TACR3: variants seen among roughly 807,000 people sequenced by gnomAD.
The protein encoded by TACR3 is neuromedin-K receptor.
TACR3 carries 34 observed loss-of-function variants against 35.0 expected under a neutral mutation model. The observed-to-expected ratio is 0.97, with a 90% CI of 0.74 to 1.30. The LOEUF is 1.30. Among genes scored for constraint, TACR3 ranks in the 50% most tolerant of loss-of-function variants. TACR3 has a pLI of 0.00. For synonymous variants in TACR3, 233 were observed against 221.1 expected (o/e 1.05, Z -0.48); for missense variants, 558 against 591.7 (o/e 0.94, Z 0.59).
At chr4:103,604,292 G>A (rs1166136429) in intron 3 of TACR3, among the ~76,000 whole-genome samples, 1 of 152,154 alleles carries the variant, frequency 6.6e-6, no homozygotes, top group Non-Finnish European at 1.5e-5. Flanking sequence ...AATGGGGAAA[G>A]GATTCCCTAT....
intron 1 of TACR3, among the ~76,000 whole-genome samples, chr4:103,695,718 T>A (rs1292329171): frequency 6.7e-6 from 1 of 149,830 alleles, no homozygotes; most frequent in Non-Finnish European, 1.5e-5. Context: ...TCTCTGTGTG[T>A]GTGTGTGTGT....
At chr4:103,701,604 C>T (rs1260301246) in intron 1 of TACR3, among the ~76,000 whole-genome samples, 4 of 152,110 alleles carry the variant, frequency 2.6e-5, no homozygotes, top group African/African-American at 7.2e-5. Flanking sequence ...CAATCCTAAG[C>T]CAAAAGAACA....
chr4:103,600,145 T>G (rs1482895221), intron 3 of TACR3, among the ~76,000 whole-genome samples: 5 of 152,154 alleles, frequency 3.3e-5, no homozygotes, highest in Non-Finnish European at 7.4e-5. Flanking sequence ...CTGTTATTGG[T>G]CTATTCAGAG....
chr4:103,682,291 C>T lies in TACR3; in HGVS notation c.549-23888G>A, dbSNP rs1039527530. Among the ~76,000 whole-genome samples, 6 of 152,054 alleles carry T rather than the reference C, an allele frequency of 3.9e-5. No homozygotes were observed. The East Asian group carries it at 7.7e-4, about 20-fold the overall frequency. On this transcript the variant is annotated intron_variant, in intron 1 of 4. Coordinates refer to ENST00000304883, the MANE Select transcript of TACR3 (RefSeq NM_001059.3). The stretch of plus-strand genomic sequence containing the variant: ...GGTGTATTAGTCTGTTCTCACACTG[C>T]TATAAAGATACTACCCAAGAGTGGA...
intron 1 of TACR3, among the ~76,000 whole-genome samples, chr4:103,672,118 G>C (rs1198249030): frequency 6.6e-6 from 1 of 152,088 alleles, no homozygotes; most frequent in Admixed American, 6.5e-5. Flanking sequence ...ATTAAAGTTT[G>C]ATTATGAGAT....
At chr4:103,639,514 C>A (rs1469780566) in intron 3 of TACR3, among the ~76,000 whole-genome samples, 1 of 151,944 alleles carries the variant, frequency 6.6e-6, no homozygotes. Flanking sequence ...ATGGGTGCAG[C>A]ACACCAACAT....
At chr4:103,715,942 T>A (rs772471693) in intron 1 of TACR3, among the ~76,000 whole-genome samples, 1 of 152,148 alleles carries the variant, frequency 6.6e-6, no homozygotes, top group Non-Finnish European at 1.5e-5. Context: ...TTTAAACTAG[T>A]ACTAAATTCT....
At chr4:103,713,119 T>C (rs1723007034) in intron 1 of TACR3, among the ~76,000 whole-genome samples, 1 of 152,100 alleles carries the variant, frequency 6.6e-6, no homozygotes, top group Admixed American at 6.6e-5. Context: ...GCCATCCCAT[T>C]ACTGGGTATA....
intron 1 of TACR3, among the ~76,000 whole-genome samples, chr4:103,681,611 G>A (rs894582913): frequency 9.2e-5 from 14 of 152,004 alleles, no homozygotes; most frequent in African/African-American, 2.9e-4. Context: ...TTCAAAATAC[G>A]TGAATCAAAA....
chr4:103,635,969 C>T (rs1212342426), intron 3 of TACR3, among the ~76,000 whole-genome samples: 2 of 151,184 alleles, frequency 1.3e-5, no homozygotes, highest in Non-Finnish European at 3.0e-5. Context: ...CTCTCTTTCT[C>T]CCCCTCCCTC....
intron 3 of TACR3, among the ~76,000 whole-genome samples, chr4:103,627,496 C>T (rs1322164779): frequency 6.6e-6 from 1 of 151,738 alleles, no homozygotes; most frequent in Non-Finnish European, 1.5e-5. Context: ...GGCACTCCAG[C>T]CTGGGCGATA....
At chr4:103,668,265 G>A (rs1268121475) in intron 1 of TACR3, among the ~76,000 whole-genome samples, 1 of 152,044 alleles carries the variant, frequency 6.6e-6, no homozygotes, top group Non-Finnish European at 1.5e-5. Flanking sequence ...CACATTTAAA[G>A]CTTATGTTTC....
At chr4:103,607,011 A>G (rs1345869188) in intron 3 of TACR3, among the ~76,000 whole-genome samples, 3 of 152,114 alleles carry the variant, frequency 2.0e-5, no homozygotes, top group Non-Finnish European at 2.9e-5. Context: ...TACCTAATTT[A>G]TTGAGAGTTT....
chr4:103,716,311 G>T (rs1020235449), intron 1 of TACR3, among the ~76,000 whole-genome samples: 1 of 151,376 alleles, frequency 6.6e-6, no homozygotes, highest in Admixed American at 6.6e-5. Flanking sequence ...AGACTTCTAG[G>T]CAAGAAGGAA....
intron 1 of TACR3, among the ~76,000 whole-genome samples, chr4:103,678,990 C>G (rs1726232127): frequency 6.6e-6 from 1 of 151,872 alleles, no homozygotes; most frequent in South Asian, 2.1e-4. Context: ...CATGTCTCAC[C>G]ACTGAAGAAA....
intron 3 of TACR3, among the ~76,000 whole-genome samples, chr4:103,636,269 T>C (rs1339165357): frequency 1.3e-5 from 2 of 151,958 alleles, no homozygotes; most frequent in Non-Finnish European, 2.9e-5. Flanking sequence ...CAAAATACTA[T>C]GTATTGAGCA....
intron 3 of TACR3, among the ~76,000 whole-genome samples, chr4:103,623,212 T>C (rs1199190724): frequency 6.6e-6 from 1 of 152,122 alleles, no homozygotes; most frequent in Non-Finnish European, 1.5e-5. Flanking sequence ...GCTTTATACA[T>C]GTATTTAAAA....
intron 3 of TACR3, among the ~76,000 whole-genome samples, chr4:103,603,963 G>T (rs1459992623): frequency 6.6e-6 from 1 of 152,128 alleles, no homozygotes; most frequent in Non-Finnish European, 1.5e-5. Flanking sequence ...TGGCCATACT[G>T]CCCAAAGTAA....
intron 1 of TACR3, among the ~76,000 whole-genome samples, chr4:103,701,793 A>C: frequency 6.6e-6 from 1 of 152,238 alleles, no homozygotes. Flanking sequence ...AAAACAAGAA[A>C]TGGGGAAAGG....
Sources: allele counts gnomAD v4.1 joint callset (sites outside exome capture counted in the v4.1 genomes callset), GRCh38; gene constraint gnomAD v4.1.1; transcripts MANE v1.5; gene names NCBI Gene and HGNC (gene_info 2026-07-23, HGNC 2026-07-21).